The following CALD1 variants were observed in gnomAD, a reference collection of about 807,000 sequenced individuals.
The protein encoded by CALD1 is caldesmon.
CALD1 carries 33 observed loss-of-function variants against 99.9 expected under a neutral mutation model. The ratio of observed to expected loss-of-function variants is 0.33; its 90% CI spans 0.25 to 0.44. The LOEUF (loss-of-function observed/expected upper bound fraction) is 0.44, where lower values mean the gene tolerates loss of function less well. Among genes scored for constraint, CALD1 ranks in the 20% least tolerant of loss-of-function variants. The probability of loss-of-function intolerance (pLI) is 1.00; values close to 1 mark genes in which losing one functional copy is unlikely to be tolerated. For synonymous variants in CALD1, 310 were observed against 325.0 expected (o/e 0.95, Z 0.50); for missense variants, 861 against 962.1 (o/e 0.89, Z 1.39).
intron 6 of CALD1, among the ~76,000 whole-genome samples, chr7:134,938,555 A>G (rs1806176311): frequency 6.6e-6 from 1 of 152,192 alleles, no homozygotes; most frequent in South Asian, 2.1e-4. Flanking sequence ...GACGTTCTCC[A>G]TGGTAACAGT....
chr7:134,839,635 T>C (rs1169453163), intron 1 of CALD1, among the ~76,000 whole-genome samples: 1 of 152,208 alleles, frequency 6.6e-6, no homozygotes, highest in East Asian at 1.9e-4. Flanking sequence ...TCAATTTGAA[T>C]TTTTCTAATG....
At chr7:134,827,198 G>A (rs531630443) in intron 1 of CALD1, among the ~76,000 whole-genome samples, 6 of 152,252 alleles carry the variant, frequency 3.9e-5, no homozygotes, top group Admixed American at 3.9e-4. Context: ...AGAAGCAATA[G>A]AAGTTTTGAC....
chr7:134,792,283 CTTCTTT>C (rs1229590242), intron 1 of CALD1, among the ~76,000 whole-genome samples: 27 of 145,128 alleles, frequency 1.9e-4, no homozygotes, highest in African/African-American at 6.4e-4. Context: ...CAAATTTCCT[CTTCTTT>C]TTTTTTTTTT....
intron 3 of CALD1, chr7:134,891,330 T>C: frequency 3.5e-6 from 4 of 1,148,766 alleles, no homozygotes; most frequent in East Asian, 3.7e-5. Flanking sequence ...TCGCTAAACA[T>C]GATGGGCTTC....
At chr7:134,827,678 T>TCATGTGCTGAGATGTCA (rs1459902642) in intron 1 of CALD1, among the ~76,000 whole-genome samples, 2 of 152,190 alleles carry the variant, frequency 1.3e-5, no homozygotes, top group Non-Finnish European at 2.9e-5. Flanking sequence ...ATATTCCAAA[T>TCATGTGCTGAGATGTCA]TTATCAGAGT....
At chr7:134,886,734 T>C (rs924577489) in intron 3 of CALD1, among the ~76,000 whole-genome samples, 2 of 152,216 alleles carry the variant, frequency 1.3e-5, no homozygotes, top group African/African-American at 4.8e-5. Flanking sequence ...GATAACAGGA[T>C]AAATTGAGCG....
At position 134,941,204 on chromosome 7, in the gene CALD1, C is replaced by A. The variant is rs1375343280; in HGVS notation, c.1499C>A (p.Thr500Asn). The A allele has an allele frequency of 6.2e-7, 1 of 1,611,710 alleles. No homozygotes were observed. The highest frequency in any genetic ancestry group is 1.1e-5 in the South Asian group (1 of 90,482). Residue 500 changes from threonine to asparagine, a missense_variant, in exon 7 of 15, where the codon ACC (threonine) becomes AAC (asparagine). Thr to Asn is a moderately conservative substitution (Grantham distance 65). Transcript: ENST00000361675. The part of the protein sequence containing the change: ...EVKSQNGEFM[T>N]HKLKHTENTF... ...AAGTCGCAGAATGGAGAATTCATGA[C>A]CCACAAACTTAAACATACTGAGAAT...
intron 3 of CALD1, among the ~76,000 whole-genome samples, chr7:134,876,144 C>T (rs1026141049): frequency 1.3e-5 from 2 of 152,208 alleles, no homozygotes; most frequent in Non-Finnish European, 2.9e-5. Context: ...CACATATGCA[C>T]CCACCAAACT....
intron 3 of CALD1, among the ~76,000 whole-genome samples, chr7:134,921,129 T>C (rs1400760248): frequency 6.6e-6 from 1 of 152,240 alleles, no homozygotes; most frequent in African/African-American, 2.4e-5. Context: ...GGTGAAGATT[T>C]TGAAAGAGAT....
At chr7:134,868,905 A>G (rs537242496) in intron 3 of CALD1, among the ~76,000 whole-genome samples, 1 of 152,348 alleles carries the variant, frequency 6.6e-6, no homozygotes, top group Non-Finnish European at 1.5e-5. Flanking sequence ...AAACAGGCAT[A>G]ATATCTACAT....
chr7:134,963,855 C>G (rs1808460861), intron 13 of CALD1, among the ~76,000 whole-genome samples: 1 of 152,174 alleles, frequency 6.6e-6, no homozygotes, highest in African/African-American at 2.4e-5. Flanking sequence ...TACCCACTTG[C>G]CCCTCGGGAG....
chr7:134,864,805 T>C lies in CALD1; in HGVS notation c.-41-2888T>C. Among the ~76,000 whole-genome samples, 2 of 152,188 alleles carry C rather than the reference T, an allele frequency of 1.3e-5. 1 individual carries two copies. The stretch of plus-strand genomic sequence containing the variant: ...AATCCATATTGAAAACACAGACATA[T>C]CCATAGGTAATGACATCTGCCTCTG... On this transcript the variant is annotated intron_variant, in intron 2 of 14. Transcript: ENST00000361675.
intron 2 of CALD1, among the ~76,000 whole-genome samples, chr7:134,860,161 C>G (rs1800501627): frequency 6.6e-6 from 1 of 152,202 alleles, no homozygotes; most frequent in Non-Finnish European, 1.5e-5. Context: ...ACAGACCTGC[C>G]TTGGTAAATG....
chr7:134,781,687 C>T (rs1470347587), intron 1 of CALD1, among the ~76,000 whole-genome samples: 1 of 152,136 alleles, frequency 6.6e-6, no homozygotes, highest in Non-Finnish European at 1.5e-5. Context: ...CTAGGACACA[C>T]AAGGAATGTA....
intron 1 of CALD1, among the ~76,000 whole-genome samples, chr7:134,825,590 A>G (rs1798956030): frequency 6.6e-6 from 1 of 152,146 alleles, no homozygotes; most frequent in South Asian, 2.1e-4. Flanking sequence ...AAATGTGAAG[A>G]TTTCCCTTTT....
chr7:134,958,872 A>AATATATATATATATATAT (rs58837080), intron 11 of CALD1, among the ~76,000 whole-genome samples: 6 of 124,862 alleles, frequency 4.8e-5, no homozygotes, highest in East Asian at 5.1e-4. Flanking sequence ...CTGGTATTTA[A>AATATATATATATATATAT]ATATATATAT....
At chr7:134,938,055 G>T (rs534597278) in intron 6 of CALD1, among the ~76,000 whole-genome samples, 45 of 152,230 alleles carry the variant, frequency 3.0e-4, no homozygotes, top group African/African-American at 1.1e-3. Flanking sequence ...TAGTGTGCAT[G>T]CAAATCACCT....
At chr7:134,930,971 G>A (rs1362630758) in intron 4 of CALD1, among the ~76,000 whole-genome samples, 1 of 152,128 alleles carries the variant, frequency 6.6e-6, no homozygotes, top group East Asian at 1.9e-4. Context: ...TGGTCAACAG[G>A]AGCTTTAAAA....
chr7:134,711,680 ATGTGTGTGTGTG>A, the CALD1 span, among the ~76,000 whole-genome samples: 8,219 of 109,276 alleles, frequency 0.075, 452 homozygotes, highest in East Asian at 0.22. Context: ...ATATATATAT[ATGTGTGTGTGTG>A]TGTGTGTGTG....
Sources: allele counts gnomAD v4.1 joint callset (sites outside exome capture counted in the v4.1 genomes callset), GRCh38; gene constraint gnomAD v4.1.1; transcripts MANE v1.5; gene names NCBI Gene and HGNC (gene_info 2026-07-23, HGNC 2026-07-21).